RAPGEF4: variants seen among roughly 807,000 people sequenced by gnomAD.
RAPGEF4 encodes Rap guanine nucleotide exchange factor 4.
Under a neutral mutation model 147.9 loss-of-function variants are expected in RAPGEF4, and 66 were observed. The observed-to-expected ratio is 0.45, with a 90% confidence interval of 0.37 to 0.55. RAPGEF4 has a LOEUF of 0.55. Ranked by LOEUF, RAPGEF4 falls within the 20% of genes least tolerant of loss-of-function variation. The probability of loss-of-function intolerance (pLI) is 0.00; values close to 1 mark genes in which losing one functional copy is unlikely to be tolerated. For missense variants in RAPGEF4, 1,071 were observed against 1,257.3 expected (o/e 0.85, Z 2.24); for synonymous variants, 419 against 442.7 (o/e 0.95, Z 0.67).
intron 10 of RAPGEF4, among the ~76,000 whole-genome samples, chr2:172,967,999 T>C (rs1690037954): frequency 6.6e-6 from 1 of 152,190 alleles, no homozygotes; most frequent in South Asian, 2.1e-4. Context: ...CTGTCTCAGC[T>C]GAACCCACCT....
At chr2:172,887,211 A>G (rs1385773485) in intron 4 of RAPGEF4, among the ~76,000 whole-genome samples, 2 of 152,038 alleles carry the variant, frequency 1.3e-5, no homozygotes, top group African/African-American at 2.4e-5. Context: ...AAAAAAAGAA[A>G]AAAAGAAAAA....
intron 1 of RAPGEF4, among the ~76,000 whole-genome samples, chr2:172,784,828 ATTT>A (rs34032216): frequency 1.4e-5 from 2 of 143,512 alleles, no homozygotes; most frequent in Admixed American, 7.0e-5. Flanking sequence ...ATGAGATTCT[ATTT>A]TTTTTTTTTT....
chr2:172,943,706 A>C (rs1687397647), intron 6 of RAPGEF4, among the ~76,000 whole-genome samples: 1 of 152,202 alleles, frequency 6.6e-6, no homozygotes, highest in African/African-American at 2.4e-5. Flanking sequence ...CCACAACCCA[A>C]AATCAGACAA....
chr2:172,780,518 G>A (rs1684582704), intron 1 of RAPGEF4, among the ~76,000 whole-genome samples: 1 of 152,204 alleles, frequency 6.6e-6, no homozygotes, highest in Admixed American at 6.5e-5. Flanking sequence ...AGAGAGGGAA[G>A]GAGAGACACC....
intron 25 of RAPGEF4, among the ~76,000 whole-genome samples, chr2:173,029,908 T>C (rs1276625259): frequency 2.0e-5 from 3 of 152,222 alleles, no homozygotes; most frequent in African/African-American, 7.2e-5. Context: ...ACCCCTAAGG[T>C]AGGTGTCTTT....
In RAPGEF4 at chr2:173,033,924, G is replaced by A. The variant is rs1371881378; in HGVS notation, c.2660G>A (p.Ser887Asn). ...TCATTTCATTAACAGAAACTGCCAAGCAAGTTCAAGAAGTTCTATGCGGAG... is the reference window on the plus strand; with the variant it reads ...TCATTTCATTAACAGAAACTGCCAAACAAGTTCAAGAAGTTCTATGCGGAG... Reference protein sequence around the residue: ...RLALTWEKLPSKFKKFYAEFE... With the variant: ...RLALTWEKLPNKFKKFYAEFE... Residue 887 changes from serine (S) to asparagine (N), a missense_variant, in exon 27 of 31, where the codon AGC becomes AAC. By Grantham distance (46) the Ser-to-Asn change is conservative. Coordinates refer to ENST00000397081, the MANE Select transcript of RAPGEF4 (RefSeq NM_007023.4). 4 of 1,612,758 alleles carry A rather than the reference G, an allele frequency of 2.5e-6. No homozygotes were observed. Among genetic ancestry groups the A allele is most frequent in the Non-Finnish European group, 3.4e-6 (4 of 1,179,690 alleles).
intron 1 of RAPGEF4, among the ~76,000 whole-genome samples, chr2:172,759,082 T>C (rs951264365): frequency 1.3e-5 from 2 of 152,014 alleles, no homozygotes; most frequent in African/African-American, 4.8e-5. Context: ...TTCAGACAGA[T>C]TGTGTCATGT....
chr2:172,841,042 A>C (rs1691529790), intron 4 of RAPGEF4, among the ~76,000 whole-genome samples: 1 of 152,228 alleles, frequency 6.6e-6, no homozygotes, highest in East Asian at 1.9e-4. Flanking sequence ...ATCCTGATGA[A>C]AGTGATAGAC....
intron 27 of RAPGEF4, 58 bp downstream of exon 27, chr2:173,034,022 T>C: frequency 6.6e-7 from 1 of 1,508,676 alleles, no homozygotes; most frequent in Non-Finnish European, 9.0e-7. Context: ...AATTTCTGAT[T>C]AGCTGAATTG....
At chr2:172,995,245 T>TTG (rs71018528) in intron 15 of RAPGEF4, among the ~76,000 whole-genome samples, 2,226 of 138,636 alleles carry the variant, frequency 0.016, 52 homozygotes, top group African/African-American at 0.045. Flanking sequence ...ACTTGCCTGT[T>TTG]TGTGTGTGTG....
intron 16 of RAPGEF4, among the ~76,000 whole-genome samples, chr2:172,998,507 G>A (rs1162716314): frequency 1.3e-5 from 2 of 152,214 alleles, no homozygotes; most frequent in East Asian, 3.8e-4. Flanking sequence ...GAGCCCAGGA[G>A]TTTGAGGCTA....
intron 22 of RAPGEF4, among the ~76,000 whole-genome samples, chr2:173,019,415 T>C (rs1695828040): frequency 6.6e-6 from 1 of 152,218 alleles, no homozygotes; most frequent in South Asian, 2.1e-4. Flanking sequence ...ACAGCTCACG[T>C]CCCCAGGTTG....
intron 1 of RAPGEF4, among the ~76,000 whole-genome samples, chr2:172,749,842 C>G (rs1695110554): frequency 6.6e-6 from 1 of 152,150 alleles, no homozygotes; most frequent in Non-Finnish European, 1.5e-5. Flanking sequence ...GAGTGCTTTG[C>G]CACTTTGAAA....
intron 4 of RAPGEF4, among the ~76,000 whole-genome samples, chr2:172,874,718 G>A (rs1402489503): frequency 6.6e-6 from 1 of 152,186 alleles, no homozygotes; most frequent in Non-Finnish European, 1.5e-5. Flanking sequence ...ACATGTGCAT[G>A]TGTCTTTATA....
At chr2:172,984,855 A>G (rs1416308782) in intron 11 of RAPGEF4, among the ~76,000 whole-genome samples, 1 of 152,150 alleles carries the variant, frequency 6.6e-6, no homozygotes, top group African/African-American at 2.4e-5. Context: ...GCATAGAAAA[A>G]TCTCAAGTTA....
chr2:172,803,518 A>G (rs1448748232), intron 3 of RAPGEF4, among the ~76,000 whole-genome samples: 1 of 151,876 alleles, frequency 6.6e-6, no homozygotes, highest in African/African-American at 2.4e-5. Flanking sequence ...CCATGAAACC[A>G]TTTTTTCCTC....
rs201878022 is a variant in RAPGEF4, at chr2:172,857,167, T to TGC, written c.444+42749_444+42750dup. On this transcript the variant is annotated intron_variant, in intron 4 of 30. Coordinates refer to ENST00000397081, the MANE Select transcript of RAPGEF4 (RefSeq NM_007023.4). ...CAGGTGAATTTAAAATACGCGCGTGTGCGCGCGCACACACACACACACACA... is the reference window on the plus strand; with the variant it reads ...CAGGTGAATTTAAAATACGCGCGTGTGCGCGCGCGCACACACACACACACACA... 8.8e-3 allele frequency among the ~76,000 whole-genome samples: 1,088 copies of TGC among 123,246 alleles called. 13 individuals are homozygous for TGC. Among genetic ancestry groups the TGC allele is most frequent in the African/African-American group, 0.014 (505 of 36,300 alleles). 80.9% of individuals were successfully genotyped at this position (123,246 alleles called of 152,430 possible). A position where few individuals can be genotyped will look rare whatever the true frequency, so the allele number is the denominator to read the frequency against.
At chr2:173,034,999 G>C (rs72909483) in intron 27 of RAPGEF4, among the ~76,000 whole-genome samples, 39,541 of 151,672 alleles carry the variant, frequency 0.26, 5,723 homozygotes, top group Non-Finnish European at 0.31. Context: ...ATAACTCAGG[G>C]GTTGGGGCAC....
chr2:173,010,079 A>G (rs1369010302), intron 17 of RAPGEF4, among the ~76,000 whole-genome samples: 1 of 152,214 alleles, frequency 6.6e-6, no homozygotes, highest in Non-Finnish European at 1.5e-5. Context: ...TGGAAAAATC[A>G]CTTAAACTCA....
Sources: allele counts gnomAD v4.1 joint callset (sites outside exome capture counted in the v4.1 genomes callset), GRCh38; gene constraint gnomAD v4.1.1; transcripts MANE v1.5; gene names NCBI Gene and HGNC (gene_info 2026-07-23, HGNC 2026-07-21).